Variants in AP3S2 observed in about 807,000 individuals in gnomAD.
AP3S2 encodes the protein AP-3 complex subunit sigma-2.
AP3S2 carries 22 observed loss-of-function variants against 23.4 expected under a neutral mutation model. The observed-to-expected ratio is 0.94, with a 90% CI of 0.67 to 1.34. The LOEUF is 1.34. AP3S2 is among the 40% of genes most tolerant of loss of function. AP3S2 has a pLI of 0.00. For synonymous variants in AP3S2, 86 were observed against 87.1 expected (o/e 0.99, Z 0.07); for missense variants, 241 against 236.9 (o/e 1.02, Z -0.11).
At chr15:89,867,416 C>A in intron 4 of AP3S2, among the ~76,000 whole-genome samples, 1 of 151,396 alleles carries the variant, frequency 6.6e-6, no homozygotes, top group Admixed American at 6.6e-5. Context: ...GAGATTGCAG[C>A]CTCTGCCCGG....
intron 3 of AP3S2, among the ~76,000 whole-genome samples, chr15:89,881,563 C>T (rs1305968579): frequency 6.6e-6 from 1 of 152,054 alleles, no homozygotes; most frequent in African/African-American, 2.4e-5. Context: ...AAAATGCGCA[C>T]CTTAGAATAT....
intron 4 of AP3S2, among the ~76,000 whole-genome samples, chr15:89,842,887 A>G (rs929811026): frequency 1.3e-5 from 2 of 152,276 alleles, no homozygotes; most frequent in Non-Finnish European, 2.9e-5. Flanking sequence ...CTGGGATTAC[A>G]GGCGTAAGCC....
chr15:89,858,523 GAGAAAGAAAGAAAGAAAGAA>G (rs58144640), intron 4 of AP3S2, among the ~76,000 whole-genome samples: 1 of 53,654 alleles, frequency 1.9e-5, no homozygotes, highest in African/African-American at 6.7e-5. Flanking sequence ...GAGAGAGAGA[GAGAAAGAAAGAAAGAAAGAA>G]AGAAAGAAAG....
In AP3S2 at chr15:89,893,959, C is replaced by G; in HGVS notation, c.-10G>C. The G allele has an allele frequency of 6.4e-7, 1 of 1,551,226 alleles. No homozygotes were observed. Among genetic ancestry groups the G allele is most frequent in the East Asian group, 2.4e-5 (1 of 40,922 alleles). On this transcript the variant is annotated 5_prime_UTR_variant, in exon 1 of 6. Coordinates refer to ENST00000336418, the MANE Select transcript of AP3S2 (RefSeq NM_005829.5). ...GAATCGCCTGAATCATCTTTGCCAGCCACGGTTCTCTCAGCACCGGCTACT... is the reference window on the plus strand; with the variant it reads ...GAATCGCCTGAATCATCTTTGCCAGGCACGGTTCTCTCAGCACCGGCTACT...
At chr15:89,861,604 C>T (rs928085150) in intron 4 of AP3S2, among the ~76,000 whole-genome samples, 1 of 152,022 alleles carries the variant, frequency 6.6e-6, no homozygotes, top group Non-Finnish European at 1.5e-5. Flanking sequence ...GATGGTTACC[C>T]CAGAGACTAT....
chr15:89,844,600 C>G (rs191217947), intron 4 of AP3S2, among the ~76,000 whole-genome samples: 19 of 152,088 alleles, frequency 1.2e-4, no homozygotes, highest in Non-Finnish European at 2.1e-4. Flanking sequence ...CCTCCCGCCT[C>G]AGCCTTCCAA....
chr15:89,867,854 G>A (rs1464747738), intron 4 of AP3S2, among the ~76,000 whole-genome samples: 6 of 127,858 alleles, frequency 4.7e-5, no homozygotes, highest in African/African-American at 1.5e-4. Context: ...CTCTCCGCCC[G>A]GCAGCCACCC....
chr15:89,886,926 C>T (rs1343608250), intron 3 of AP3S2, among the ~76,000 whole-genome samples: 6 of 152,156 alleles, frequency 3.9e-5, no homozygotes, highest in Admixed American at 3.9e-4. Flanking sequence ...TCCCAAGTAG[C>T]TGGGAGTACA....
At chr15:89,839,848 CTTTT>C (rs541001343) in intron 4 of AP3S2, among the ~76,000 whole-genome samples, 2 of 144,908 alleles carry the variant, frequency 1.4e-5, no homozygotes, top group Non-Finnish European at 3.0e-5. Context: ...GAAAAGAATT[CTTTT>C]TTTTTTTTTC....
chr15:89,864,902 T>C (rs541656504), intron 4 of AP3S2, among the ~76,000 whole-genome samples: 37 of 152,164 alleles, frequency 2.4e-4, no homozygotes, highest in African/African-American at 8.9e-4. Flanking sequence ...ACAAAGGCCC[T>C]GAATAAACAT....
intron 4 of AP3S2, among the ~76,000 whole-genome samples, chr15:89,858,475 GAA>G (rs1567178625): frequency 3.2e-3 from 92 of 28,898 alleles, no homozygotes; most frequent in African/African-American, 0.011. Context: ...AAGAAAGAAA[GAA>G]AGAAAGAAAG....
At chr15:89,865,236 T>G (rs530547557) in intron 4 of AP3S2, among the ~76,000 whole-genome samples, 1 of 152,024 alleles carries the variant, frequency 6.6e-6, no homozygotes, top group African/African-American at 2.4e-5. Context: ...ATGGAATATA[T>G]ATATATATAT....
chr15:89,893,785 A>G, intron 1 of AP3S2, 96 bp downstream of exon 1: 1 of 1,249,190 alleles, frequency 8.0e-7, no homozygotes. Context: ...GCCCCAGGTG[A>G]CCAAAGAGCG....
chr15:89,883,180 A>G (rs894781974), intron 3 of AP3S2, among the ~76,000 whole-genome samples: 6 of 152,202 alleles, frequency 3.9e-5, no homozygotes, highest in African/African-American at 1.4e-4. Flanking sequence ...TCTCAGAAAT[A>G]GGAAATTTAA....
At chr15:89,858,178 C>T (rs1895886051) in intron 4 of AP3S2, among the ~76,000 whole-genome samples, 1 of 152,026 alleles carries the variant, frequency 6.6e-6, no homozygotes, top group South Asian at 2.1e-4. Flanking sequence ...TGGCTCACAC[C>T]TGCAATCCCA....
intron 3 of AP3S2, chr15:89,877,313 G>T: frequency 7.5e-7 from 1 of 1,325,928 alleles, no homozygotes; most frequent in Non-Finnish European, 9.9e-7. Flanking sequence ...TACTTTTAAG[G>T]TTTGGGAACT....
intron 4 of AP3S2, among the ~76,000 whole-genome samples, chr15:89,840,388 T>C (rs1895298835): frequency 6.6e-6 from 1 of 152,176 alleles, no homozygotes; most frequent in South Asian, 2.1e-4. Context: ...TTTTACAACA[T>C]TCATCTAAGG....
chr15:89,891,092 G>A (rs992045935), intron 1 of AP3S2, among the ~76,000 whole-genome samples: 7 of 152,186 alleles, frequency 4.6e-5, no homozygotes, highest in Non-Finnish European at 8.8e-5. Context: ...CCTTTTATCT[G>A]ACTCTGGGGG....
At chr15:89,852,821 G>A (rs1370231709) in intron 4 of AP3S2, among the ~76,000 whole-genome samples, 1 of 152,092 alleles carries the variant, frequency 6.6e-6, no homozygotes, top group African/African-American at 2.4e-5. Flanking sequence ...CCACCTGCTC[G>A]CCCTTTACAT....
Sources: allele counts gnomAD v4.1 joint callset (sites outside exome capture counted in the v4.1 genomes callset), GRCh38; gene constraint gnomAD v4.1.1; transcripts MANE v1.5; gene names NCBI Gene and HGNC (gene_info 2026-07-23, HGNC 2026-07-21).